Variants in DAGLA observed in about 807,000 individuals in gnomAD.
DAGLA encodes the protein diacylglycerol lipase alpha.
In DAGLA, 22 loss-of-function variants were observed where a neutral mutation model predicts 102.6. The observed-to-expected ratio is 0.21, with a 90% CI of 0.15 to 0.31. DAGLA has a LOEUF of 0.31. Among genes scored for constraint, DAGLA ranks in the 10% least tolerant of loss-of-function variants. DAGLA has a pLI of 1.00. For missense variants in DAGLA, 927 were observed against 1,446.6 expected (o/e 0.64, Z 5.83); for synonymous variants, 578 against 628.9 (o/e 0.92, Z 1.21).
chr11:61,728,512 G>A (rs2065349787), intron 7 of DAGLA, among the ~76,000 whole-genome samples: 2 of 152,168 alleles, frequency 1.3e-5, no homozygotes, highest in Non-Finnish European at 2.9e-5. Context: ...GACTTTCTGG[G>A]TCGTGCATGG....
At chr11:61,706,349 C>T (rs1005577643) in intron 1 of DAGLA, among the ~76,000 whole-genome samples, 1 of 152,188 alleles carries the variant, frequency 6.6e-6, no homozygotes, top group Non-Finnish European at 1.5e-5. Flanking sequence ...ATGTCTCTTT[C>T]GGGTCTTGGG....
rs535007726 is a variant in DAGLA at position 61,716,678 on chromosome 11, C to T, written c.-44-3434C>T. 3.3e-5 allele frequency among the ~76,000 whole-genome samples: 5 copies of T among 152,288 alleles called. No individual in the cohort carries two copies. The South Asian group carries it at 1.0e-3, about 32-fold the overall frequency. On this transcript the variant is annotated intron_variant, in intron 1 of 19. Transcript: ENST00000257215. ...CCTGAGGTTGCACCGCCTGTCGCTG[C>T]CGCCCGAGGGGCTTGGACTTTGTCC... is the stretch of plus-strand genomic sequence containing the variant.
intron 1 of DAGLA, among the ~76,000 whole-genome samples, chr11:61,699,291 G>A (rs906752976): frequency 1.3e-5 from 2 of 152,174 alleles, no homozygotes; most frequent in Non-Finnish European, 2.9e-5. Flanking sequence ...TACTGCCCTG[G>A]AGCTAAGGCC....
rs138547278 is a variant in DAGLA, at chr11:61,735,307, C to T, written c.1129-254C>T. 2.2e-3 allele frequency among the ~76,000 whole-genome samples: 331 copies of T among 152,294 alleles called. 2 individuals are homozygous for T. Among genetic ancestry groups the T allele is most frequent in the African/African-American group, 7.4e-3 (309 of 41,544 alleles). On this transcript the variant is annotated intron_variant, in intron 10 of 19. Coordinates refer to ENST00000257215, the MANE Select transcript of DAGLA (RefSeq NM_006133.3). ...CAGAAGCAGGGAGGGGCAGCCATCA[C>T]CTGGACTCAGGGGCAAGTGGTGGCA...
chr11:61,726,919 T>G (rs1349798024), intron 6 of DAGLA, among the ~76,000 whole-genome samples: 2 of 152,166 alleles, frequency 1.3e-5, no homozygotes, highest in Non-Finnish European at 2.9e-5. Context: ...AGCACCCCCT[T>G]GGGTCTCTCT....
chr11:61,743,773 G>A lies in DAGLA; in HGVS notation c.2413G>A (p.Gly805Ser). 6.2e-7 allele frequency: 1 copy of A among 1,612,482 alleles called. No individual in the cohort carries two copies. The highest frequency in any genetic ancestry group is 8.5e-7 in the Non-Finnish European group (1 of 1,179,928). Reference protein sequence around the residue: ...RRSSGFRSIRGSPSLHAVLER... With the variant: ...RRSSGFRSIRSSPSLHAVLER... ...CTCCTCAGGCTTCCGCAGCATCCGGGGCTCCCCCAGCCTCCACGCTGTGCT... is the reference window on the plus strand; with the variant it reads ...CTCCTCAGGCTTCCGCAGCATCCGGAGCTCCCCCAGCCTCCACGCTGTGCT... The change falls in exon 20 of 20, where the codon GGC becomes AGC. Residue 805 changes from glycine to serine, a missense_variant. Gly to Ser is a moderately conservative substitution (Grantham distance 56). Transcript: ENST00000257215.
intron 19 of DAGLA, 72 bp downstream of exon 19, chr11:61,741,421 G>A (rs2065478987): frequency 6.8e-7 from 1 of 1,479,978 alleles, no homozygotes. Context: ...GTGTGCACAT[G>A]CATTTTGTGC....
At chr11:61,729,129 T>TC in intron 8 of DAGLA, 121 bp downstream of exon 8, 3 of 816,676 alleles carry the variant, frequency 3.7e-6, no homozygotes, top group Non-Finnish European at 6.2e-6. Context: ...CTGCCCGGTC[T>TC]CCCCCCGGCT....
chr11:61,692,295 A>G (rs1264248916), intron 1 of DAGLA, among the ~76,000 whole-genome samples: 1 of 152,178 alleles, frequency 6.6e-6, no homozygotes, highest in Non-Finnish European at 1.5e-5. Context: ...GGGAGCCTGC[A>G]GCCAGCTCTG....
intron 8 of DAGLA, among the ~76,000 whole-genome samples, chr11:61,730,168 C>A (rs2065361660): frequency 6.6e-6 from 1 of 152,076 alleles, no homozygotes; most frequent in Non-Finnish European, 1.5e-5. Flanking sequence ...CTAAAAATAG[C>A]CACATCCATA....
At chr11:61,719,445 G>A (rs1457867399) in intron 1 of DAGLA, among the ~76,000 whole-genome samples, 1 of 152,188 alleles carries the variant, frequency 6.6e-6, no homozygotes, top group Admixed American at 6.5e-5. Flanking sequence ...AGCTGTGGTG[G>A]GGACTTCTGT....
intron 1 of DAGLA, among the ~76,000 whole-genome samples, chr11:61,694,462 T>G (rs1477529177): frequency 6.6e-6 from 1 of 152,194 alleles, no homozygotes; most frequent in Non-Finnish European, 1.5e-5. Flanking sequence ...ATGAGAGCGA[T>G]CCACCACCCA....
chr11:61,694,694 C>T (rs1016581645), intron 1 of DAGLA, among the ~76,000 whole-genome samples: 2 of 152,158 alleles, frequency 1.3e-5, no homozygotes, highest in African/African-American at 2.4e-5. Context: ...TGTTTTCCAT[C>T]GAGTGGCTCC....
At chr11:61,741,432 A>G in intron 19 of DAGLA, 83 bp downstream of exon 19, 2 of 1,458,692 alleles carry the variant, frequency 1.4e-6, no homozygotes, top group South Asian at 1.3e-5. Context: ...CATTTTGTGC[A>G]TGCACTGGGC....
intron 1 of DAGLA, among the ~76,000 whole-genome samples, chr11:61,719,506 G>A (rs2065265046): frequency 6.6e-6 from 1 of 152,248 alleles, no homozygotes; most frequent in African/African-American, 2.4e-5. Context: ...TTCCAGCAAA[G>A]CAGGAAACTG....
chr11:61,700,359 T>C (rs2065100014), intron 1 of DAGLA, among the ~76,000 whole-genome samples: 1 of 146,696 alleles, frequency 6.8e-6, no homozygotes, highest in South Asian at 2.1e-4. Context: ...AACCAGTCCC[T>C]GCCCTGACCT....
At chr11:61,699,302 A>AG (rs1325744511) in intron 1 of DAGLA, among the ~76,000 whole-genome samples, 1 of 152,188 alleles carries the variant, frequency 6.6e-6, no homozygotes, top group Non-Finnish European at 1.5e-5. Context: ...AGCTAAGGCC[A>AG]GGGGGTCACA....
At chr11:61,710,749 A>G (rs565848375) in intron 1 of DAGLA, among the ~76,000 whole-genome samples, 1 of 152,296 alleles carries the variant, frequency 6.6e-6, no homozygotes, top group South Asian at 2.1e-4. Context: ...TGCCCCTGCC[A>G]TGCAAGGTGA....
intron 1 of DAGLA, among the ~76,000 whole-genome samples, chr11:61,697,458 CAGG>C (rs2065075735): frequency 6.6e-6 from 1 of 152,120 alleles, no homozygotes; most frequent in Admixed American, 6.5e-5. Flanking sequence ...GTGCCAAGGA[CAGG>C]AGGACAGCAG....
Sources: gnomAD v4.1 joint callset for allele counts (sites outside exome capture counted in the v4.1 genomes callset) on GRCh38, gnomAD v4.1.1 for gene constraint, MANE v1.5 for transcripts, NCBI Gene and HGNC (gene_info 2026-07-23, HGNC 2026-07-21) for gene names.